The following TRDN variants were observed in gnomAD, a reference collection of about 807,000 sequenced individuals.
TRDN encodes the protein triadin.
In TRDN, 161 loss-of-function variants were observed where a neutral mutation model predicts 149.7. The observed-to-expected ratio is 1.08, with a 90% CI of 0.95 to 1.23. The LOEUF (loss-of-function observed/expected upper bound fraction) is 1.23. TRDN is among the 50% of genes most tolerant of loss of function. TRDN has a pLI of 0.00. For missense variants in TRDN, 896 were observed against 823.5 expected, an observed-to-expected ratio of 1.09 and a Z score of -1.08; for synonymous variants, 294 against 250.5, an observed-to-expected ratio of 1.17 and a Z score of -1.64.
intron 35 of TRDN, among the ~76,000 whole-genome samples, chr6:123,256,987 CT>C (rs34052517): frequency 0.86 from 122,781 of 142,898 alleles, 52,916 homozygotes; most frequent in East Asian, 0.99. Context: ...TCTTTTCTTT[CT>C]TTTTTTTTTT....
At chr6:123,369,362 T>C (rs1781235846) in intron 19 of TRDN, among the ~76,000 whole-genome samples, 1 of 152,070 alleles carries the variant, frequency 6.6e-6, no homozygotes, top group African/African-American at 2.4e-5. Context: ...GGTACCAGGG[T>C]AGAGCTTCAA....
chr6:123,387,793 A>T (rs1781963643), intron 14 of TRDN, among the ~76,000 whole-genome samples: 1 of 152,162 alleles, frequency 6.6e-6, no homozygotes, highest in Admixed American at 6.5e-5. Context: ...TGTTCTAATT[A>T]TTATAGGAAG....
chr6:123,525,018 A>T (rs1045179164), intron 5 of TRDN, among the ~76,000 whole-genome samples: 8 of 152,146 alleles, frequency 5.3e-5, no homozygotes, highest in Non-Finnish European at 7.3e-5. Context: ...ATCATCTTAC[A>T]TCATTCAGAA....
In TRDN at chr6:123,337,612, C is replaced by T. The variant is rs1468907376; in HGVS notation, c.1420+7G>A. The T allele has an allele frequency of 5.3e-6, 7 of 1,326,216 alleles. No homozygotes were observed. The highest frequency in any genetic ancestry group is 2.5e-4 in the Middle Eastern group (1 of 4,064). 82.2% of individuals were successfully genotyped at this position (1,326,216 alleles called of 1,614,324 possible). A position where few individuals can be genotyped will look rare whatever the true frequency, so the allele number is the denominator to read the frequency against. Reference sequence around the variant, plus strand: ...TTTGTAATATTATATTAAATTAACTCTGTTACCTTTATCTTTCAGAATTGA... The same window carrying T: ...TTTGTAATATTATATTAAATTAACTTTGTTACCTTTATCTTTCAGAATTGA... On this transcript the variant is annotated splice_region_variant and intron_variant, in intron 22 of 40. Coordinates refer to ENST00000334268, the MANE Select transcript of TRDN (RefSeq NM_006073.4).
rs756257644 is a variant in TRDN at position 123,224,117 on chromosome 6, C to T, written c.1990G>A (p.Val664Ile). 47 of 1,610,104 alleles carry T rather than the reference C, an allele frequency of 2.9e-5. No individual in the cohort carries two copies. Among genetic ancestry groups the T allele is most frequent in the Non-Finnish European group, 3.8e-5 (45 of 1,177,800 alleles). ...CCTTTAGCTTTCTTTGAAGCTGGTACATCTTCAACATCTTCTAGAGTACAG... is the reference window on the plus strand; with the variant it reads ...CCTTTAGCTTTCTTTGAAGCTGGTATATCTTCAACATCTTCTAGAGTACAG... The part of the protein sequence containing the change: ...PARVSKDVED[V>I]PASKKAKEGT... The change falls in exon 39 of 41, where the codon GTA becomes ATA. Residue 664 changes from valine to isoleucine, a missense_variant. Physicochemically the swap from Val to Ile is conservative, Grantham distance 29. Transcript: ENST00000334268.
chr6:123,359,430 G>A (rs1042282735), intron 20 of TRDN, among the ~76,000 whole-genome samples: 6 of 152,142 alleles, frequency 3.9e-5, no homozygotes. Context: ...ATTTTAAGTG[G>A]CTTATTCAGT....
intron 24 of TRDN, among the ~76,000 whole-genome samples, chr6:123,289,038 T>C (rs1777903141): frequency 6.8e-6 from 1 of 147,196 alleles, no homozygotes; most frequent in South Asian, 2.1e-4. Context: ...TGTGTGTGTG[T>C]ATATATATAT....
chr6:123,532,238 A>G (rs1421495005), intron 4 of TRDN, among the ~76,000 whole-genome samples: 1 of 151,870 alleles, frequency 6.6e-6, no homozygotes, highest in African/African-American at 2.4e-5. Flanking sequence ...TAATTTTTAT[A>G]TGAATTACAT....
At chr6:123,315,251 A>T (rs984715659) in intron 24 of TRDN, among the ~76,000 whole-genome samples, 2 of 152,058 alleles carry the variant, frequency 1.3e-5, no homozygotes, top group South Asian at 4.1e-4. Flanking sequence ...TTTTCTGAAG[A>T]TATATCTAAA....
intron 12 of TRDN, among the ~76,000 whole-genome samples, chr6:123,433,684 T>C (rs1774435594): frequency 1.3e-5 from 2 of 152,186 alleles, no homozygotes; most frequent in African/African-American, 4.8e-5. Context: ...AATATGATTT[T>C]ATACCATTAT....
At chr6:123,290,545 A>G (rs371913540) in intron 24 of TRDN, among the ~76,000 whole-genome samples, 1 of 152,132 alleles carries the variant, frequency 6.6e-6, no homozygotes, top group South Asian at 2.1e-4. Flanking sequence ...CATGTTTTGC[A>G]TGGTATCTTG....
chr6:123,486,789 T>C (rs9490786), intron 9 of TRDN, among the ~76,000 whole-genome samples: 5,896 of 152,044 alleles, frequency 0.039, 336 homozygotes, highest in African/African-American at 0.12. Flanking sequence ...ATTTTGTTTA[T>C]TGCTATATCT....
intron 4 of TRDN, among the ~76,000 whole-genome samples, chr6:123,541,305 A>G (rs1780823198): frequency 6.6e-6 from 1 of 152,134 alleles, no homozygotes; most frequent in East Asian, 1.9e-4. Flanking sequence ...CTCTGGTTTG[A>G]CCCACCATTA....
At chr6:123,318,936 G>T (rs148714810) in intron 23 of TRDN, among the ~76,000 whole-genome samples, 5,200 of 152,134 alleles carry the variant, frequency 0.034, 139 homozygotes, top group Middle Eastern at 0.099. Context: ...ACTGGCTTTA[G>T]TGTTATGTGA....
chr6:123,465,142 G>T (rs186975313), intron 9 of TRDN, among the ~76,000 whole-genome samples, 159 bp from the exon 10 acceptor site: 5 of 152,266 alleles, frequency 3.3e-5, no homozygotes, highest in Non-Finnish European at 4.4e-5. Flanking sequence ...TATTAAGGGA[G>T]ATCTTTAAGA....
chr6:123,351,526 C>A lies in TRDN; in HGVS notation c.1369+1013G>T, dbSNP rs986002035. 25 of 981,916 alleles carry A rather than the reference C, an allele frequency of 2.5e-5. No homozygotes were observed. The African/African-American group carries it at 4.0e-4, about 16-fold the overall frequency. 60.8% of individuals were successfully genotyped at this position (981,916 alleles called of 1,614,324 possible). A position where few individuals can be genotyped will look rare whatever the true frequency, so the allele number is the denominator to read the frequency against. ...CCAGAAGCCAGAATAAATTGGAAAA[C>A]ATTTTCCATGCAATTATAAAGGGAT... On this transcript the variant is annotated intron_variant, in intron 21 of 40. Transcript: ENST00000334268.
chr6:123,415,659 C>T (rs1773619310), intron 12 of TRDN, among the ~76,000 whole-genome samples: 1 of 152,164 alleles, frequency 6.6e-6, no homozygotes, highest in Non-Finnish European at 1.5e-5. Context: ...ATGATGTGGT[C>T]TCTCTCTGGA....
intron 20 of TRDN, among the ~76,000 whole-genome samples, chr6:123,361,484 G>A (rs766599361): frequency 1.3e-5 from 2 of 151,650 alleles, no homozygotes; most frequent in South Asian, 2.1e-4. Flanking sequence ...AACAAAACAC[G>A]TTTTGCACAT....
intron 12 of TRDN, chr6:123,437,479 C>T (rs1045985568): frequency 4.6e-5 from 12 of 259,824 alleles, no homozygotes; most frequent in Non-Finnish European, 8.6e-5. Context: ...TTATGGTGCT[C>T]ACTACAGCCT....
Sources: allele counts gnomAD v4.1 joint callset (sites outside exome capture counted in the v4.1 genomes callset), GRCh38; gene constraint gnomAD v4.1.1; transcripts MANE v1.5; gene names NCBI Gene and HGNC (gene_info 2026-07-23, HGNC 2026-07-21).